The following ITPR3 variants were observed in gnomAD, a reference collection of about 807,000 sequenced individuals.
ITPR3 encodes inositol 1,4,5-trisphosphate-gated calcium channel ITPR3.
A neutral mutation model predicts 293.2 loss-of-function variants in ITPR3; 173 were observed. The observed-to-expected ratio is 0.59, with a 90% CI of 0.52 to 0.67. The LOEUF is 0.67. ITPR3 is among the 30% of genes least tolerant of loss of function. The pLI is 0.00. For synonymous variants in ITPR3, 1,295 were observed against 1,444.4 expected (o/e 0.90, Z 2.35); for missense variants, 2,796 against 3,592.1 (o/e 0.78, Z 5.66).
At chr6:33,681,793 G>A (rs1243349051) in intron 33 of ITPR3, among the ~76,000 whole-genome samples, 7 of 152,136 alleles carry the variant, frequency 4.6e-5, no homozygotes, top group Admixed American at 2.6e-4. Context: ...GCATTGGGAC[G>A]ATGGAACTCT....
intron 2 of ITPR3, among the ~76,000 whole-genome samples, chr6:33,648,753 G>A (rs972431400): frequency 3.3e-5 from 5 of 151,848 alleles, no homozygotes; most frequent in African/African-American, 9.7e-5. Flanking sequence ...CAACAGACCC[G>A]GCTAGTTTTT....
chr6:33,636,402 G>A (rs1763825060), intron 1 of ITPR3, among the ~76,000 whole-genome samples: 2 of 152,128 alleles, frequency 1.3e-5, no homozygotes, highest in Non-Finnish European at 2.9e-5. Flanking sequence ...GGTAGTTACT[G>A]AAATCCAGGT....
At chr6:33,623,320 A>AG (rs1763480644) in intron 1 of ITPR3, among the ~76,000 whole-genome samples, 1 of 45,820 alleles carries the variant, frequency 2.2e-5, no homozygotes, top group Non-Finnish European at 4.0e-5. Context: ...AGTGCCTGTG[A>AG]GTTTTGTTTT....
At chr6:33,673,173 A>G (rs1421771265) in intron 22 of ITPR3, among the ~76,000 whole-genome samples, 4 of 152,174 alleles carry the variant, frequency 2.6e-5, no homozygotes, top group Non-Finnish European at 1.5e-5. Flanking sequence ...CACAGGCCTC[A>G]GTTTCCCCTC....
chr6:33,691,165 A>G lies in ITPR3; in HGVS notation c.7225+56A>G, dbSNP rs957149222. On this transcript the variant is annotated intron_variant, in intron 52 of 57. Coordinates refer to ENST00000605930, the MANE Select transcript of ITPR3 (RefSeq NM_002224.4). The surrounding 1 kb of genome is among the most constrained non-coding windows in gnomAD (Gnocchi z 4.9). ...GTGGGGAATGAGGTTGGGTCTCACAAATGTCTGGCGTCAGGACCAGGACCT... is the reference window on the plus strand; with the variant it reads ...GTGGGGAATGAGGTTGGGTCTCACAGATGTCTGGCGTCAGGACCAGGACCT... The G allele has an allele frequency of 5.6e-5, 87 of 1,563,856 alleles. No individual in the cohort carries two copies. In the African/African-American group the frequency reaches 9.9e-4, roughly 18 times the overall value.
At chr6:33,693,890 A>G (rs1188389966) in intron 56 of ITPR3, among the ~76,000 whole-genome samples, 185 bp downstream of exon 56, 3 of 152,232 alleles carry the variant, frequency 2.0e-5, no homozygotes, top group Admixed American at 2.0e-4. Flanking sequence ...ACACTTGTTG[A>G]AAGGTCAGCA....
rs1763871567 is a variant in ITPR3 at position 33,638,273 on chromosome 6, G to A, written c.90-2211G>A. Among the ~76,000 whole-genome samples, 1 of 152,176 alleles carries A rather than the reference G, an allele frequency of 6.6e-6. No homozygotes were observed. ...CCCGCCTCAGCCTCCCAAAGTGCAG[G>A]GATTACAGGCATGAGCCACCGCGTC... On this transcript the variant is annotated intron_variant, in intron 1 of 57. Coordinates refer to ENST00000605930, the MANE Select transcript of ITPR3 (RefSeq NM_002224.4). This position sits in a 1 kb window ranked among gnomAD's most constrained non-coding sequence, Gnocchi z 4.3.
chr6:33,636,369 G>A (rs1241657235), intron 1 of ITPR3, among the ~76,000 whole-genome samples: 1 of 152,048 alleles, frequency 6.6e-6, no homozygotes, highest in East Asian at 1.9e-4. Flanking sequence ...GAGTGAAGGG[G>A]GAACCCAGGA....
chr6:33,650,171 G>A (rs1764154474), intron 2 of ITPR3, among the ~76,000 whole-genome samples: 1 of 152,206 alleles, frequency 6.6e-6, no homozygotes, highest in Non-Finnish European at 1.5e-5. Flanking sequence ...CTGCCCTTCA[G>A]CCCTGTGGTT....
intron 2 of ITPR3, among the ~76,000 whole-genome samples, chr6:33,650,689 T>G (rs544996775): frequency 5.4e-4 from 83 of 152,346 alleles, no homozygotes; most frequent in Middle Eastern, 3.4e-3. Context: ...GTTTTAAATT[T>G]TGGTTATTGA....
In ITPR3 at chr6:33,657,933, A is replaced by G; in HGVS notation, c.284A>G (p.His95Arg). The change falls in exon 4 of 58, where the codon CAT becomes CGT. Residue 95 changes from histidine to arginine, a missense_variant and splice_region_variant. Physicochemically the swap from His to Arg is conservative, Grantham distance 29. Coordinates refer to ENST00000605930, the MANE Select transcript of ITPR3 (RefSeq NM_002224.4). ...ADVVLLQKLQ[H>R]AAQMEQKQND... ...TCACTTCTGTGTGTGTCTGTGCAGC[A>G]TGCGGCGCAGATGGAGCAGAAGCAA... 6.2e-7 allele frequency: 1 copy of G among 1,613,456 alleles called. No individual in the cohort carries two copies.
chr6:33,683,237 A>G lies in ITPR3; in HGVS notation c.4628A>G (p.Asp1543Gly). 1 of 1,552,560 alleles carries G rather than the reference A, an allele frequency of 6.4e-7. No homozygotes were observed. The change falls in exon 35 of 58, where the codon GAC becomes GGC. Residue 1543 changes from aspartate (D) to glycine (G), a missense_variant. Asp to Gly is a moderately conservative substitution (Grantham distance 94). Around this residue, in one of 8 missense-constraint regions of ITPR3, gnomAD observed 704 missense variants for 797.5 expected, o/e 0.88. Transcript: ENST00000605930. This position sits in a 1 kb window ranked among gnomAD's most constrained non-coding sequence, Gnocchi z 4.5. ...AKGRAILLPM[D>G]LDAHISSMLS... Reference sequence around the variant, plus strand: ...GGCCGGGCCATCTTGCTGCCCATGGACCTGGATGCCCACATCAGCTCGATG... The same window carrying G: ...GGCCGGGCCATCTTGCTGCCCATGGGCCTGGATGCCCACATCAGCTCGATG...
intron 2 of ITPR3, among the ~76,000 whole-genome samples, chr6:33,646,707 T>C (rs914999306): frequency 1.3e-5 from 2 of 151,944 alleles, no homozygotes; most frequent in Non-Finnish European, 2.9e-5. Flanking sequence ...TGCTTGAGCC[T>C]AGGAGTTTGA....
In ITPR3 at chr6:33,682,166, G is replaced by A. The variant is rs1428278515; in HGVS notation, c.4477-358G>A. Among the ~76,000 whole-genome samples the A allele has an allele frequency of 6.6e-6, 1 of 152,198 alleles. No individual in the cohort carries two copies. The highest frequency in any genetic ancestry group is 2.4e-5 in the African/African-American group (1 of 41,450). ...CAAAGTGCTGACATTACACGTGTGA[G>A]CCACTGCGCCCAGCCTCAAAGTGTT... On this transcript the variant is annotated intron_variant, in intron 33 of 57. Transcript: ENST00000605930. The surrounding 1 kb of genome is among the most constrained non-coding windows in gnomAD (Gnocchi z 5.4).
At position 33,658,529 on chromosome 6, in the gene ITPR3, C is replaced by T. The variant is rs929092786; in HGVS notation, c.370-141C>T. 16 of 989,024 alleles carry T rather than the reference C, an allele frequency of 1.6e-5. No individual in the cohort carries two copies. The African/African-American group carries it at 2.4e-4, about 15-fold the overall frequency. 61.3% of individuals were successfully genotyped at this position (989,024 alleles called of 1,614,324 possible). ...TTGTGGTTGTGAATGTGGGTGTCAG[C>T]CTGTATGTTTGTGACAGGTGTCTGA... On this transcript the variant is annotated intron_variant, in intron 4 of 57. Transcript: ENST00000605930. This position sits in a 1 kb window ranked among gnomAD's most constrained non-coding sequence, Gnocchi z 6.1.
At position 33,680,143 on chromosome 6, in the gene ITPR3, G is replaced by C. The variant is rs748891387; in HGVS notation, c.4224+10G>C. The C allele has an allele frequency of 2.5e-6, 4 of 1,609,532 alleles. No individual in the cohort carries two copies. The highest frequency in any genetic ancestry group is 1.3e-5 in the African/African-American group (1 of 74,880). On this transcript the variant is annotated intron_variant, in intron 31 of 57. Transcript: ENST00000605930. ...GGACTGCATCACTGAGGTGGGGATC[G>C]GGAGACTGGGCAAGACGGCTGGAGA...
rs754087200 is a variant in ITPR3, at chr6:33,662,581, C to T, written c.765C>T (p.Asp255=). The T allele has an allele frequency of 6.8e-6, 11 of 1,611,618 alleles. No homozygotes were observed. Among genetic ancestry groups the T allele is most frequent in the South Asian group, 2.2e-5 (2 of 90,854 alleles). ...AGCAGGAGAAGTTCCTGACGTGTGA[C>T]GAGTACAAGGGCAAGCTGCAGGTGT... ...HAEQEKFLTC[D]EYKGKLQVFL... is the part of the protein sequence containing the mutation. The change falls in exon 8 of 58, where the codon GAC becomes GAT. Residue 255 remains aspartate, a synonymous_variant. Coordinates refer to ENST00000605930, the MANE Select transcript of ITPR3 (RefSeq NM_002224.4).
At position 33,691,600 on chromosome 6, in the gene ITPR3, C is replaced by T; in HGVS notation, c.7226-15C>T. Reference sequence around the variant, plus strand: ...GCACTGGACCTCCTGATGATCTCATCCATATCCCCTCCAGCCAGCCCCCTG... The same window carrying T: ...GCACTGGACCTCCTGATGATCTCATTCATATCCCCTCCAGCCAGCCCCCTG... On this transcript the variant is annotated splice_polypyrimidine_tract_variant and intron_variant, in intron 52 of 57. Coordinates refer to ENST00000605930, the MANE Select transcript of ITPR3 (RefSeq NM_002224.4). This position sits in a 1 kb window ranked among gnomAD's most constrained non-coding sequence, Gnocchi z 4.9. 1 of 1,609,470 alleles carries T rather than the reference C, an allele frequency of 6.2e-7. No individual in the cohort carries two copies. Among genetic ancestry groups the T allele is most frequent in the South Asian group, 1.1e-5 (1 of 90,864 alleles).
In ITPR3 at chr6:33,624,563, C is replaced by G. The variant is rs1362391581; in HGVS notation, c.89+2872C>G. Among the ~76,000 whole-genome samples, 1 of 152,250 alleles carries G rather than the reference C, an allele frequency of 6.6e-6. No individual in the cohort carries two copies. The highest frequency in any genetic ancestry group is 6.5e-5 in the Admixed American group (1 of 15,284). On this transcript the variant is annotated intron_variant, in intron 1 of 57. Coordinates refer to ENST00000605930, the MANE Select transcript of ITPR3 (RefSeq NM_002224.4). The surrounding 1 kb of genome is among the most constrained non-coding windows in gnomAD (Gnocchi z 4.7). ...GGAGCGTTGCTCTGAGTGATTTTCT[C>G]TCTGCCCCATCCTCCTCAGAATCCT... is the stretch of plus-strand genomic sequence containing the variant.
Sources: allele counts gnomAD v4.1 joint callset (sites outside exome capture counted in the v4.1 genomes callset), GRCh38; gene constraint gnomAD v4.1.1; regional missense constraint gnomAD v4.1.1; non-coding constraint Gnocchi (gnomAD v3.1); transcripts MANE v1.5; gene names NCBI Gene and HGNC (gene_info 2026-07-23, HGNC 2026-07-21).